Variants in IQCM observed in about 807,000 individuals in gnomAD.
IQCM encodes the protein IQ motif containing M, also known as IQ domain-containing protein M.
In IQCM, 45 loss-of-function variants were observed where a neutral mutation model predicts 57.6. That is an observed-to-expected ratio of 0.78 (90% CI 0.62 to 1.00). The LOEUF is 1.00. IQCM is among the 50% of genes least tolerant of loss of function. The pLI is 0.00. For missense variants in IQCM, 468 were observed against 511.6 expected, an observed-to-expected ratio of 0.91 and a Z score of 0.82; for synonymous variants, 148 against 158.9, an observed-to-expected ratio of 0.93 and a Z score of 0.51.
At chr4:149,717,537 C>G (rs1765103139) in intron 5 of IQCM, among the ~76,000 whole-genome samples, 2 of 152,096 alleles carry the variant, frequency 1.3e-5, no homozygotes, top group African/African-American at 2.4e-5. Flanking sequence ...AAATATACAT[C>G]AATTTCAGCA....
intron 9 of IQCM, among the ~76,000 whole-genome samples, chr4:149,578,207 T>A (rs1297722546): frequency 6.6e-6 from 1 of 151,816 alleles, no homozygotes; most frequent in African/African-American, 2.4e-5. Flanking sequence ...ACCTTTTATA[T>A]CTTTATATTC....
chr4:149,716,265 G>C (rs1764988726), intron 5 of IQCM, among the ~76,000 whole-genome samples: 1 of 152,222 alleles, frequency 6.6e-6, no homozygotes, highest in African/African-American at 2.4e-5. Flanking sequence ...GTTTGGAGGA[G>C]GCCAAGACGG....
At chr4:149,562,179 G>T (rs770675002) in intron 10 of IQCM, among the ~76,000 whole-genome samples, 5 of 152,116 alleles carry the variant, frequency 3.3e-5, no homozygotes, top group Admixed American at 6.6e-5. Context: ...TGTAAGAAAT[G>T]GAATAAGGTA....
chr4:149,479,493 C>T (rs1560892795), intron 12 of IQCM, among the ~76,000 whole-genome samples: 1 of 152,158 alleles, frequency 6.6e-6, no homozygotes, highest in Non-Finnish European at 1.5e-5. Context: ...TTCCTAGTAA[C>T]TCTAAGAAAT....
At chr4:149,708,203 C>T (rs1764299089) in intron 5 of IQCM, among the ~76,000 whole-genome samples, 1 of 152,040 alleles carries the variant, frequency 6.6e-6, no homozygotes, top group African/African-American at 2.4e-5. Context: ...GATCCCAGAT[C>T]TGCTACACTA....
chr4:149,687,731 T>G (rs1762649306), intron 5 of IQCM, among the ~76,000 whole-genome samples: 1 of 151,820 alleles, frequency 6.6e-6, no homozygotes, highest in African/African-American at 2.4e-5. Context: ...TCCAACAACA[T>G]ATCTAAAAGA....
At chr4:149,633,993 C>CT (rs1390665639) in intron 7 of IQCM, among the ~76,000 whole-genome samples, 1 of 151,972 alleles carries the variant, frequency 6.6e-6, no homozygotes, top group Non-Finnish European at 1.5e-5. Flanking sequence ...TTATCTTTTT[C>CT]TTTTTCTTTT....
chr4:149,629,429 A>G (rs571905036), intron 7 of IQCM, among the ~76,000 whole-genome samples: 1 of 152,258 alleles, frequency 6.6e-6, no homozygotes, highest in Non-Finnish European at 1.5e-5. Context: ...TGATTTTCTT[A>G]TAACTTAAAT....
At chr4:149,799,059 A>G (rs956458597) in intron 2 of IQCM, among the ~76,000 whole-genome samples, 9 of 151,566 alleles carry the variant, frequency 5.9e-5, no homozygotes, top group Admixed American at 2.0e-4. Context: ...TTCACTCAGC[A>G]CATGGATTAC....
chr4:149,595,553 C>G (rs1417324851), intron 8 of IQCM, among the ~76,000 whole-genome samples: 2 of 152,100 alleles, frequency 1.3e-5, no homozygotes, highest in Non-Finnish European at 2.9e-5. Flanking sequence ...TTAACACTAG[C>G]ATTTGCCCTG....
chr4:149,534,898 C>G (rs1322798011), intron 12 of IQCM, among the ~76,000 whole-genome samples: 1 of 152,050 alleles, frequency 6.6e-6, no homozygotes, highest in African/African-American at 2.4e-5. Context: ...TACGTTCTGC[C>G]AAACTGGCAG....
intron 12 of IQCM, among the ~76,000 whole-genome samples, chr4:149,481,970 G>T (rs1056139924): frequency 1.4e-4 from 21 of 150,902 alleles, no homozygotes; most frequent in Admixed American, 4.0e-4. Flanking sequence ...GTGTTTTATA[G>T]TTTTCATTAT....
chr4:149,477,912 T>C (rs942530414), intron 12 of IQCM, among the ~76,000 whole-genome samples: 4 of 152,122 alleles, frequency 2.6e-5, no homozygotes, highest in African/African-American at 9.7e-5. Context: ...ACTTGCTTAG[T>C]GGAGATCTCT....
At chr4:149,796,787 T>G (rs1402986399) in intron 2 of IQCM, among the ~76,000 whole-genome samples, 1 of 152,092 alleles carries the variant, frequency 6.6e-6, no homozygotes, top group African/African-American at 2.4e-5. Flanking sequence ...ATGCAAAAAA[T>G]TCTCCCAGAT....
chr4:149,661,642 CT>C (rs1480609767), intron 7 of IQCM, among the ~76,000 whole-genome samples: 1 of 152,036 alleles, frequency 6.6e-6, no homozygotes, highest in Middle Eastern at 3.2e-3. Flanking sequence ...CACCCTTGGT[CT>C]GTTTAGATTT....
At chr4:149,679,300 C>T (rs1055433543) in intron 7 of IQCM, among the ~76,000 whole-genome samples, 10 of 151,434 alleles carry the variant, frequency 6.6e-5, no homozygotes, top group Middle Eastern at 6.8e-3. Context: ...TGTGTGTTCT[C>T]GTTCATATGT....
At chr4:149,423,442 T>G (rs977096441) in intron 13 of IQCM, among the ~76,000 whole-genome samples, 1 of 151,982 alleles carries the variant, frequency 6.6e-6, no homozygotes, top group Non-Finnish European at 1.5e-5. Context: ...CGAGAGAATA[T>G]TTGGGTGGGG....
At chr4:149,675,998 G>A (rs972568029) in intron 7 of IQCM, among the ~76,000 whole-genome samples, 1 of 151,972 alleles carries the variant, frequency 6.6e-6, no homozygotes, top group Admixed American at 6.6e-5. Flanking sequence ...AGCATTATTA[G>A]CTTTTTTTCT....
chr4:149,380,384 T>C (rs975558484), intron 13 of IQCM, among the ~76,000 whole-genome samples: 1 of 152,188 alleles, frequency 6.6e-6, no homozygotes, highest in African/African-American at 2.4e-5. Flanking sequence ...ATGTAACCTA[T>C]TATTCCAGAT....
Sources: allele counts gnomAD v4.1 joint callset (sites outside exome capture counted in the v4.1 genomes callset), GRCh38; gene constraint gnomAD v4.1.1; transcripts MANE v1.5; gene names NCBI Gene and HGNC (gene_info 2026-07-23, HGNC 2026-07-21).